Variants in POLR3B observed in about 807,000 individuals in gnomAD.
POLR3B encodes RNA polymerase III subunit B, also known as DNA-directed RNA polymerase III subunit RPC2.
Under a neutral mutation model 147.4 loss-of-function variants are expected in POLR3B, and 96 were observed. The observed-to-expected ratio is 0.65, with a 90% CI of 0.55 to 0.77. The LOEUF (loss-of-function observed/expected upper bound fraction) is 0.77. Ranked by LOEUF, POLR3B falls within the 30% of genes least tolerant of loss-of-function variation. The probability of loss-of-function intolerance (pLI) is 0.00; values close to 1 mark genes in which losing one functional copy is unlikely to be tolerated. For missense variants in POLR3B, 1,036 were observed against 1,413.5 expected, an observed-to-expected ratio of 0.73 and a Z score of 4.28; for synonymous variants, 461 against 485.9, an observed-to-expected ratio of 0.95 and a Z score of 0.67.
Position 106,463,394 on chromosome 12 carries a change from G to T in POLR3B, c.2571-84G>T, listed in dbSNP as rs536156739. On this transcript the variant is annotated intron_variant, in intron 22 of 27. Transcript: ENST00000228347. ...AAAATGTCAGAATACTCTATGGTAG[G>T]CATGAAATGAAATATAACATGGGTG... 4.3e-6 allele frequency: 5 copies of T among 1,165,686 alleles called. No individual in the cohort carries two copies. The South Asian group carries it at 6.3e-5, about 15-fold the overall frequency. 72.2% of individuals were successfully genotyped at this position (1,165,686 alleles called of 1,614,324 possible). A position where few individuals can be genotyped will look rare whatever the true frequency, so the allele number is the denominator to read the frequency against.
At chr12:106,459,025 A>ATGTGTG (rs113294680) in intron 21 of POLR3B, among the ~76,000 whole-genome samples, 2 of 150,002 alleles carry the variant, frequency 1.3e-5, no homozygotes, top group African/African-American at 4.9e-5. Context: ...ATAGACTATG[A>ATGTGTG]TGTGTGTGTG....
intron 24 of POLR3B, 106 bp downstream of exon 24, chr12:106,496,264 C>A: frequency 1.3e-6 from 1 of 789,182 alleles, no homozygotes. Context: ...GCTGTTTTTT[C>A]AGGTAGAGCT....
At chr12:106,503,989 C>A in intron 26 of POLR3B, 92 bp from the exon 27 acceptor site, 3 of 1,201,846 alleles carry the variant, frequency 2.5e-6, no homozygotes, top group Non-Finnish European at 3.7e-6. Context: ...GAGCCCTGCT[C>A]CAAAGCCTCG....
intron 19 of POLR3B, among the ~76,000 whole-genome samples, chr12:106,450,728 C>A (rs2037784350): frequency 6.6e-6 from 1 of 152,118 alleles, no homozygotes; most frequent in Admixed American, 6.6e-5. Flanking sequence ...AACCAGAATG[C>A]TCATATACTG....
intron 11 of POLR3B, among the ~76,000 whole-genome samples, chr12:106,406,881 G>A (rs1463911966): frequency 6.6e-6 from 1 of 152,132 alleles, no homozygotes; most frequent in Admixed American, 6.6e-5. Context: ...TTTGTAGTGA[G>A]TTATCATGTG....
chr12:106,460,947 A>G (rs942991504), intron 22 of POLR3B, among the ~76,000 whole-genome samples: 1 of 152,046 alleles, frequency 6.6e-6, no homozygotes, highest in Admixed American at 6.5e-5. Context: ...TCCTCAGAGC[A>G]ATCATCTTGT....
At chr12:106,365,327 A>C (rs1185138949) in intron 2 of POLR3B, among the ~76,000 whole-genome samples, 1 of 152,094 alleles carries the variant, frequency 6.6e-6, no homozygotes, top group Non-Finnish European at 1.5e-5. Context: ...GAAGCTATTG[A>C]GGAGTTTCTA....
At chr12:106,477,891 CTTTTTTTTT>C (rs34915594) in intron 23 of POLR3B, among the ~76,000 whole-genome samples, 4 of 70,550 alleles carry the variant, frequency 5.7e-5, no homozygotes, top group East Asian at 6.0e-4. Flanking sequence ...GGCTCCTCCC[CTTTTTTTTT>C]TTTTTTTTTT....
intron 21 of POLR3B, 34 bp downstream of exon 21, chr12:106,457,330 T>C: frequency 6.6e-7 from 1 of 1,521,716 alleles, no homozygotes; most frequent in South Asian, 1.1e-5. Flanking sequence ...ATTTTAATAC[T>C]TTTTGACATC....
chr12:106,505,960 A>T (rs991626093), intron 27 of POLR3B, among the ~76,000 whole-genome samples: 1 of 152,184 alleles, frequency 6.6e-6, no homozygotes, highest in African/African-American at 2.4e-5. Flanking sequence ...CAGTTATTTC[A>T]TGATTTTGGT....
intron 6 of POLR3B, 85 bp downstream of exon 6, chr12:106,369,768 G>C: frequency 1.2e-6 from 1 of 865,860 alleles, no homozygotes; most frequent in East Asian, 2.4e-5. Flanking sequence ...GAAAAATGCA[G>C]GAAATGCTGC....
At chr12:106,507,160 G>T (rs1367731112) in intron 27 of POLR3B, among the ~76,000 whole-genome samples, 1 of 152,090 alleles carries the variant, frequency 6.6e-6, no homozygotes, top group Non-Finnish European at 1.5e-5. Context: ...GCTCATAGAG[G>T]ATGTTTCACT....
chr12:106,509,580 A>C lies in POLR3B; in HGVS notation c.*31A>C. 1 of 1,593,458 alleles carries C rather than the reference A, an allele frequency of 6.3e-7. No homozygotes were observed. Among genetic ancestry groups the C allele is most frequent in the Non-Finnish European group, 8.6e-7 (1 of 1,162,738 alleles). On this transcript the variant is annotated 3_prime_UTR_variant, in exon 28 of 28. Transcript: ENST00000228347. ...GAAAAAATGATTATTAAAGAGAACA[A>C]GTGATACATCCAATGCAACGGAAAG... is the stretch of plus-strand genomic sequence containing the variant.
intron 10 of POLR3B, among the ~76,000 whole-genome samples, chr12:106,400,175 G>T (rs2037042196): frequency 6.6e-6 from 1 of 152,142 alleles, no homozygotes; most frequent in African/African-American, 2.4e-5. Context: ...AAAGGCAGGG[G>T]TTGCAATCCT....
chr12:106,454,847 G>T, intron 20 of POLR3B, 136 bp downstream of exon 20: 1 of 663,012 alleles, frequency 1.5e-6, no homozygotes, highest in South Asian at 1.7e-5. Flanking sequence ...GGAGGTGGTT[G>T]GGTTTTGATG....
chr12:106,405,121 A>T (rs933029885), intron 10 of POLR3B, among the ~76,000 whole-genome samples: 4 of 151,860 alleles, frequency 2.6e-5, no homozygotes. Flanking sequence ...CACTGTTTTG[A>T]TTACTTAGGT....
At chr12:106,507,506 A>T in intron 27 of POLR3B, 1 of 226,834 alleles carries the variant, frequency 4.4e-6, no homozygotes, top group Non-Finnish European at 8.8e-6. Context: ...CCCCAATTTA[A>T]TGAAAGCATG....
intron 12 of POLR3B, among the ~76,000 whole-genome samples, chr12:106,422,549 A>C (rs2037385889): frequency 6.6e-6 from 1 of 152,186 alleles, no homozygotes. Context: ...TCTTTTGTTC[A>C]TCTGGAATGA....
chr12:106,409,044 C>CTTA (rs2037186437), intron 11 of POLR3B, among the ~76,000 whole-genome samples: 1 of 152,144 alleles, frequency 6.6e-6, no homozygotes, highest in African/African-American at 2.4e-5. Flanking sequence ...GGAGAATCTA[C>CTTA]TACCAGTGTT....
Sources: gnomAD v4.1 joint callset for allele counts (sites outside exome capture counted in the v4.1 genomes callset) on GRCh38, gnomAD v4.1.1 for gene constraint, MANE v1.5 for transcripts, NCBI Gene and HGNC (gene_info 2026-07-23, HGNC 2026-07-21) for gene names.